Variants in KIAA2012 observed in about 807,000 individuals in gnomAD.
KIAA2012 encodes the protein KIAA2012.
A neutral mutation model predicts 150.6 loss-of-function variants in KIAA2012; 125 were observed. The ratio of observed to expected loss-of-function variants is 0.83; its 90% CI spans 0.72 to 0.96. The LOEUF (loss-of-function observed/expected upper bound fraction) is 0.96, where lower values mean the gene tolerates loss of function less well. KIAA2012 is among the 40% of genes least tolerant of loss of function. KIAA2012 has a pLI of 0.00. For synonymous variants in KIAA2012, 462 were observed against 504.7 expected, an observed-to-expected ratio of 0.92 and a Z score of 1.13; for missense variants, 1,219 against 1,354.9, an observed-to-expected ratio of 0.90 and a Z score of 1.57.
chr2:202,160,556 G>A lies in KIAA2012; in HGVS notation c.2047-4728G>A, dbSNP rs181137757. On this transcript the variant is annotated intron_variant, in intron 14 of 23. Transcript: ENST00000498697. ...TCTCGATCTCCTGACCTCGTGATCCGCCCACCTTGGCCTCCCAAAGTGCTG... is the reference window on the plus strand; with the variant it reads ...TCTCGATCTCCTGACCTCGTGATCCACCCACCTTGGCCTCCCAAAGTGCTG... Among the ~76,000 whole-genome samples, 107 of 152,000 alleles carry A rather than the reference G, an allele frequency of 7.0e-4. 1 individual carries two copies. Among genetic ancestry groups the A allele is most frequent in the African/African-American group, 2.3e-3 (94 of 41,470 alleles).
intron 14 of KIAA2012, 27 bp downstream of exon 14, chr2:202,154,837 G>GT: frequency 6.5e-7 from 1 of 1,532,030 alleles, no homozygotes; most frequent in Non-Finnish European, 8.8e-7. Flanking sequence ...AAGACGAGGG[G>GT]TTTTATAGAC....
chr2:202,169,772 C>T (rs1200082381), intron 15 of KIAA2012, among the ~76,000 whole-genome samples: 1 of 152,226 alleles, frequency 6.6e-6, no homozygotes, highest in Non-Finnish European at 1.5e-5. Flanking sequence ...CTGGGAAACA[C>T]TGAAATCTAT....
chr2:202,133,130 A>ATAT lies in KIAA2012; in HGVS notation c.1832-5301_1832-5300insATT, dbSNP rs1279080237. On this transcript the variant is annotated intron_variant, in intron 12 of 23. Transcript: ENST00000498697. ...AAAAAATATATATATATATATATATATTTTTTTTTTTTCTGGAGAATGGAG... is the reference window on the plus strand; with the variant it reads ...AAAAAATATATATATATATATATATATATTTTTTTTTTTTTCTGGAGAATGGAG... Among the ~76,000 whole-genome samples, 587 of 67,780 alleles carry ATAT rather than the reference A, an allele frequency of 8.7e-3. 26 individuals are homozygous for ATAT. The highest frequency in any genetic ancestry group is 0.055 in the Admixed American group (304 of 5,570). 44.5% of individuals were successfully genotyped at this position (67,780 alleles called of 152,430 possible).
In KIAA2012 at chr2:202,125,306, A is replaced by T. The variant is rs1690756864; in HGVS notation, c.1831+24A>T. 7.2e-6 allele frequency: 11 copies of T among 1,519,758 alleles called. 1 individual carries two copies. The highest frequency in any genetic ancestry group is 6.0e-5 in the South Asian group (5 of 82,990). 94.1% of individuals were successfully genotyped at this position (1,519,758 alleles called of 1,614,324 possible). On this transcript the variant is annotated intron_variant, in intron 12 of 23. Transcript: ENST00000498697. ...AGGTAAGCTTTTCCACTAAAAAGTC[A>T]CCTCGACTTCTCTATGTAATTTGAC...
Position 202,125,212 on chromosome 2 carries a change from A to G in KIAA2012, c.1763-2A>G. On this transcript the variant is annotated splice_acceptor_variant, in intron 11 of 23. Coordinates refer to ENST00000498697, the MANE Select transcript of KIAA2012 (RefSeq NM_001277372.4). LOFTEE classifies it high-confidence loss of function. ...CAGGTAAAATATCTTACTGTTTTTC[A>G]GCCTATGAATCTGTCAATTCAAATA... The G allele has an allele frequency of 1.3e-6, 2 of 1,549,312 alleles. No individual in the cohort carries two copies. The highest frequency in any genetic ancestry group is 1.7e-6 in the Non-Finnish European group (2 of 1,146,036).
intron 15 of KIAA2012, among the ~76,000 whole-genome samples, chr2:202,181,207 C>A (rs915387062): frequency 6.6e-6 from 1 of 152,118 alleles, no homozygotes; most frequent in African/African-American, 2.4e-5. Context: ...TGTGCTCAAG[C>A]GATCTGCCTG....
intron 7 of KIAA2012, among the ~76,000 whole-genome samples, chr2:202,102,072 A>G (rs889809742): frequency 3.3e-5 from 5 of 152,160 alleles, no homozygotes; most frequent in Non-Finnish European, 5.9e-5. Flanking sequence ...CCAAGTTCAT[A>G]TGTTAAAAGT....
chr2:202,106,202 T>C (rs1690186427), intron 9 of KIAA2012, among the ~76,000 whole-genome samples: 1 of 152,086 alleles, frequency 6.6e-6, no homozygotes, highest in African/African-American at 2.4e-5. Flanking sequence ...CCACTACTAA[T>C]ATTTTAACAG....
At chr2:202,077,844 G>A (rs1349754045) in intron 2 of KIAA2012, among the ~76,000 whole-genome samples, 4 of 152,100 alleles carry the variant, frequency 2.6e-5, no homozygotes, top group Non-Finnish European at 5.9e-5. Context: ...AAAAAGAAAA[G>A]AAAAGGAAAG....
intron 2 of KIAA2012, among the ~76,000 whole-genome samples, chr2:202,078,471 T>C (rs1225876962): frequency 6.6e-6 from 1 of 152,048 alleles, no homozygotes; most frequent in Non-Finnish European, 1.5e-5. Flanking sequence ...TGTATTTTTG[T>C]AGAGATGGGG....
intron 2 of KIAA2012, among the ~76,000 whole-genome samples, chr2:202,079,948 A>C (rs536207846): frequency 6.6e-6 from 1 of 152,250 alleles, no homozygotes; most frequent in African/African-American, 2.4e-5. Flanking sequence ...TTTTACCTGT[A>C]TAACCTCATT....
At chr2:202,179,804 A>C in intron 15 of KIAA2012, 1 of 622,214 alleles carries the variant, frequency 1.6e-6, no homozygotes, top group Non-Finnish European at 3.1e-6. Flanking sequence ...GTGAATGGGG[A>C]AACTTCCCTT....
chr2:202,079,677 C>T (rs1218329753), intron 2 of KIAA2012, among the ~76,000 whole-genome samples: 1 of 152,176 alleles, frequency 6.6e-6, no homozygotes, highest in Non-Finnish European at 1.5e-5. Context: ...CATTCTTAGA[C>T]TTCTGGATAC....
In KIAA2012 at chr2:202,148,479, C is replaced by T. The variant is rs16838886; in HGVS notation, c.1909-6194C>T. 2.7e-3 allele frequency among the ~76,000 whole-genome samples: 413 copies of T among 152,246 alleles called. 14 individuals are homozygous for T. The East Asian group carries it at 0.056, about 21-fold the overall frequency. On this transcript the variant is annotated intron_variant, in intron 13 of 23. Transcript: ENST00000498697. ...CCACCGTGCCTACTTGTGGAGCCCT[C>T]GCAAAACGGCCCACTCAGCCCATTT...
At chr2:202,155,075 A>G (rs1691497320) in intron 14 of KIAA2012, among the ~76,000 whole-genome samples, 1 of 152,214 alleles carries the variant, frequency 6.6e-6, no homozygotes, top group East Asian at 1.9e-4. Flanking sequence ...GAGTAACTTT[A>G]AACCACCTCA....
intron 16 of KIAA2012, 124 bp from the exon 17 acceptor site, chr2:202,186,809 A>C (rs1024945715): frequency 7.3e-6 from 6 of 826,950 alleles, no homozygotes; most frequent in Non-Finnish European, 9.1e-6. Flanking sequence ...AGAGTTGACT[A>C]AGTATGTCAA....
chr2:202,160,966 A>G (rs1358577524), intron 14 of KIAA2012, among the ~76,000 whole-genome samples: 1 of 152,146 alleles, frequency 6.6e-6, no homozygotes, highest in Admixed American at 6.5e-5. Flanking sequence ...GCAGCTCCCT[A>G]AGAAAGCCTG....
intron 7 of KIAA2012, 54 bp downstream of exon 7, chr2:202,100,503 G>C: frequency 1.4e-6 from 2 of 1,478,808 alleles, no homozygotes; most frequent in African/African-American, 1.4e-5. Context: ...GGAGGGAAGA[G>C]AGAAAGTTTA....
chr2:202,162,494 C>G (rs1018449494), intron 14 of KIAA2012, among the ~76,000 whole-genome samples: 11 of 151,262 alleles, frequency 7.3e-5, no homozygotes, highest in Non-Finnish European at 1.5e-4. Context: ...AGGCTGGTCT[C>G]GAACTCCTGA....
Sources: allele counts gnomAD v4.1 joint callset (sites outside exome capture counted in the v4.1 genomes callset), GRCh38; gene constraint gnomAD v4.1.1; transcripts MANE v1.5; gene names NCBI Gene and HGNC (gene_info 2026-07-23, HGNC 2026-07-21).